COG4: variants seen among roughly 807,000 people sequenced by gnomAD.
COG4 encodes the protein component of oligomeric golgi complex 4, also known as conserved oligomeric Golgi complex subunit 4.
Under a neutral mutation model 95.1 loss-of-function variants are expected in COG4, and 65 were observed. The ratio of observed to expected loss-of-function variants is 0.68; its 90% CI spans 0.56 to 0.84. The LOEUF is 0.84. Ranked by LOEUF, COG4 falls within the 40% of genes least tolerant of loss-of-function variation. The pLI is 0.00. For missense variants in COG4, 1,045 were observed against 989.1 expected (o/e 1.06, Z -0.76); for synonymous variants, 421 against 374.8 (o/e 1.12, Z -1.42).
At chr16:70,518,921 G>A (rs2151765053) in intron 2 of COG4, among the ~76,000 whole-genome samples, 1 of 151,036 alleles carries the variant, frequency 6.6e-6, no homozygotes, top group African/African-American at 2.4e-5. Flanking sequence ...AGGTTGCAGT[G>A]AGCCGAGATC....
chr16:70,522,860 A>G (rs2049980747), intron 1 of COG4, among the ~76,000 whole-genome samples: 1 of 152,212 alleles, frequency 6.6e-6, no homozygotes, highest in Non-Finnish European at 1.5e-5. Flanking sequence ...CTGAGTCTTA[A>G]AAGCTAAACC....
chr16:70,482,413 C>T lies in COG4; in HGVS notation c.1921-238G>A, dbSNP rs75503365. ...TAAAGTTCCTGGCATTTTATTCCTT[C>T]TTGGATCTCTTGTTCTACAGGAATG... On this transcript the variant is annotated intron_variant, in intron 15 of 18. Coordinates refer to ENST00000323786, the MANE Select transcript of COG4 (RefSeq NM_015386.3). 1.1e-3 allele frequency: 708 copies of T among 619,474 alleles called. 3 individuals are homozygous for T. The highest frequency in any genetic ancestry group is 0.01 in the African/African-American group (561 of 54,586). 38.4% of individuals were successfully genotyped at this position (619,474 alleles called of 1,614,324 possible).
chr16:70,499,438 CT>C (rs1339062861), intron 9 of COG4, among the ~76,000 whole-genome samples: 1 of 152,204 alleles, frequency 6.6e-6, no homozygotes, highest in Non-Finnish European at 1.5e-5. Context: ...TGTAATGCCC[CT>C]GCCACATATT....
chr16:70,512,655 T>A (rs1207366390), intron 4 of COG4, among the ~76,000 whole-genome samples: 3 of 152,144 alleles, frequency 2.0e-5, no homozygotes, highest in Non-Finnish European at 4.4e-5. Context: ...CAAATCAAGA[T>A]GATGAAATAC....
In COG4 at chr16:70,520,458, CAAAAACA is replaced by C. The variant is rs570242037; in HGVS notation, c.172-734_172-728del. 2.4e-3 allele frequency among the ~76,000 whole-genome samples: 308 copies of C among 130,640 alleles called. 1 individual carries two copies. The highest frequency in any genetic ancestry group is 0.015 in the Middle Eastern group (3 of 204). The allele number at this position is 130,640 out of a possible 152,430, so 85.7% of individuals were successfully genotyped here. On this transcript the variant is annotated intron_variant, in intron 1 of 18. Transcript: ENST00000323786. ...TGGGCAACAAAGTGAGACTCCGTCTCAAAAACAAAAAACAAAAAACAAAATTAGCTGG... is the reference window on the plus strand; with the variant it reads ...TGGGCAACAAAGTGAGACTCCGTCTCAAAAACAAAAAACAAAATTAGCTGG...
At chr16:70,486,347 A>G (rs1422606633) in intron 13 of COG4, among the ~76,000 whole-genome samples, 1 of 152,186 alleles carries the variant, frequency 6.6e-6, no homozygotes, top group Non-Finnish European at 1.5e-5. Context: ...CCAGAGGGGA[A>G]GCAGAGTGGA....
intron 1 of COG4, 98 bp downstream of exon 1, chr16:70,523,275 C>T: frequency 1.4e-6 from 2 of 1,438,274 alleles, no homozygotes; most frequent in South Asian, 2.3e-5. Flanking sequence ...TTTTTTGTAT[C>T]CCCCAGCAAG....
At chr16:70,500,889 G>A (rs143724817) in intron 9 of COG4, 69 bp downstream of exon 9, 5 of 1,574,734 alleles carry the variant, frequency 3.2e-6, no homozygotes, top group East Asian at 2.2e-5. Flanking sequence ...AGAGATTTGT[G>A]GCTTAACTAT....
chr16:70,499,428 T>C (rs2049403668), intron 9 of COG4, among the ~76,000 whole-genome samples: 1 of 152,352 alleles, frequency 6.6e-6, no homozygotes, highest in East Asian at 1.9e-4. Context: ...ACACTGATTC[T>C]GTAATGCCCC....
chr16:70,509,466 C>A (rs771125519), intron 6 of COG4, 78 bp from the exon 7 acceptor site: 12 of 1,521,742 alleles, frequency 7.9e-6, no homozygotes, highest in Non-Finnish European at 1.1e-5. Context: ...CAGGACTAAC[C>A]GAAGGTCTAG....
chr16:70,523,368 C>T lies in COG4; in HGVS notation c.171+5G>A, dbSNP rs1272810592. The stretch of plus-strand genomic sequence containing the variant: ...CCATGAAAAAGAAGAGGCTCGACCC[C>T]GCACCTCCTCGCCGCAGAGCCGTTC... On this transcript the variant is annotated splice_donor_5th_base_variant and intron_variant, in intron 1 of 18. Coordinates refer to ENST00000323786, the MANE Select transcript of COG4 (RefSeq NM_015386.3). The T allele has an allele frequency of 1.2e-6, 2 of 1,614,092 alleles. No homozygotes were observed. Among genetic ancestry groups the T allele is most frequent in the Admixed American group, 1.7e-5 (1 of 60,008 alleles).
intron 13 of COG4, among the ~76,000 whole-genome samples, chr16:70,487,560 C>T (rs1239668145): frequency 2.0e-5 from 3 of 152,130 alleles, no homozygotes; most frequent in Admixed American, 6.5e-5. Flanking sequence ...CTAGCCTGGG[C>T]GACAGAGCGA....
At position 70,490,325 on chromosome 16, in the gene COG4, C is replaced by A. The variant is rs767920192; in HGVS notation, c.1710+5G>T. ...CTGACCACTGATAGGCAATTTCCCT[C>A]GTACCTCCAGTGTCTTCTTCAGAGT... is the stretch of plus-strand genomic sequence containing the variant. On this transcript the variant is annotated splice_donor_5th_base_variant and intron_variant, in intron 13 of 18. Transcript: ENST00000323786. 1 of 1,612,506 alleles carries A rather than the reference C, an allele frequency of 6.2e-7. No homozygotes were observed. The highest frequency in any genetic ancestry group is 8.5e-7 in the Non-Finnish European group (1 of 1,178,586).
chr16:70,521,605 T>C (rs1179110469), intron 1 of COG4, among the ~76,000 whole-genome samples: 3 of 152,128 alleles, frequency 2.0e-5, no homozygotes, highest in Non-Finnish European at 2.9e-5. Flanking sequence ...ACAGTACTTA[T>C]ATCATTTTGT....
chr16:70,507,272 CAAAA>C (rs200062449), intron 8 of COG4, among the ~76,000 whole-genome samples: 1 of 150,692 alleles, frequency 6.6e-6, no homozygotes, highest in Non-Finnish European at 1.5e-5. Flanking sequence ...AAAACAACAA[CAAAA>C]AAAAACTGTA....
chr16:70,489,220 A>ATT (rs34101495), intron 13 of COG4, among the ~76,000 whole-genome samples: 9 of 141,856 alleles, frequency 6.3e-5, no homozygotes, highest in Non-Finnish European at 1.1e-4. Flanking sequence ...TTTGATCCTG[A>ATT]TTTTTTTTTT....
chr16:70,519,570 G>T lies in COG4; in HGVS notation c.254+79C>A, dbSNP rs1045637519. ...TCAAGCTGAACTGGTGTTTATAACA[G>T]AAAGTTTAAAAAATGGTCACTTGTC... On this transcript the variant is annotated intron_variant, in intron 2 of 18. Coordinates refer to ENST00000323786, the MANE Select transcript of COG4 (RefSeq NM_015386.3). 96 of 1,028,900 alleles carry T rather than the reference G, an allele frequency of 9.3e-5. No individual in the cohort carries two copies. The Admixed American group carries it at 1.7e-3, about 18-fold the overall frequency. The allele number at this position is 1,028,900 out of a possible 1,614,324, so 63.7% of individuals were successfully genotyped here. A position where few individuals can be genotyped will look rare whatever the true frequency, so the allele number is the denominator to read the frequency against.
At position 70,481,860 on chromosome 16, in the gene COG4, G is replaced by GACAGAGGTCGTAGATGACCT. The variant is rs2049002798; in HGVS notation, c.2009_2010insAGGTCATCTACGACCTCTGT (p.Ser670ArgfsTer17). 6.2e-7 allele frequency: 1 copy of GACAGAGGTCGTAGATGACCT among 1,613,098 alleles called. No individual in the cohort carries two copies. The highest frequency in any genetic ancestry group is 8.5e-7 in the Non-Finnish European group (1 of 1,179,630). ...GGCTGTCGTAGATGACCGGGGACAG[G>GACAGAGGTCGTAGATGACCT]CTGGCCTGCACACAGAGGGTTGACA... On this transcript the variant is annotated frameshift_variant, in exon 17 of 19. Coordinates refer to ENST00000323786, the MANE Select transcript of COG4 (RefSeq NM_015386.3). LOFTEE classifies it high-confidence loss of function.
At chr16:70,490,299 G>C in intron 13 of COG4, 31 bp downstream of exon 13, 1 of 1,570,074 alleles carries the variant, frequency 6.4e-7, no homozygotes, top group South Asian at 1.1e-5. Context: ...AAAGATGGCT[G>C]CTGACCACTG....
Sources: gnomAD v4.1 joint callset for allele counts (sites outside exome capture counted in the v4.1 genomes callset) on GRCh38, gnomAD v4.1.1 for gene constraint, MANE v1.5 for transcripts, NCBI Gene and HGNC (gene_info 2026-07-23, HGNC 2026-07-21) for gene names.